Variants in SOX6 observed in about 807,000 individuals in gnomAD.
SOX6 encodes SRY-box transcription factor 6, also known as transcription factor SOX-6.
Under a neutral mutation model 97.8 loss-of-function variants are expected in SOX6, and 11 were observed. The observed-to-expected ratio is 0.11, with a 90% confidence interval of 0.07 to 0.19. The LOEUF (loss-of-function observed/expected upper bound fraction) is 0.19, where lower values mean the gene tolerates loss of function less well. Among genes scored for constraint, SOX6 ranks in the 10% least tolerant of loss-of-function variants. SOX6 has a pLI of 1.00. For missense variants in SOX6, 810 were observed against 1,039.5 expected (o/e 0.78, Z 3.04); for synonymous variants, 360 against 371.4 (o/e 0.97, Z 0.35).
At chr11:16,318,130 T>C (rs1855805828) in intron 3 of SOX6, 1 of 391,176 alleles carries the variant, frequency 2.6e-6, no homozygotes, top group Non-Finnish European at 4.8e-6. Flanking sequence ...GGAGAAAAAA[T>C]GAAAAATAAA....
At chr11:16,665,249 C>T (rs1847798358) in intron 3 of SOX6, among the ~76,000 whole-genome samples, 1 of 152,024 alleles carries the variant, frequency 6.6e-6, no homozygotes, top group African/African-American at 2.4e-5. Flanking sequence ...TTTAGGTCCC[C>T]AGTTCCCAGC....
intron 3 of SOX6, chr11:16,317,428 T>C (rs765821944): frequency 1.3e-5 from 2 of 151,996 alleles, no homozygotes; most frequent in Non-Finnish European, 2.9e-5. Context: ...TTGAAGAATT[T>C]ACCCAGGGTG....
At chr11:16,733,676 T>C (rs1412174604) in intron 2 of SOX6, among the ~76,000 whole-genome samples, 1 of 144,962 alleles carries the variant, frequency 6.9e-6, no homozygotes, top group Middle Eastern at 3.5e-3. Flanking sequence ...TATATACCTA[T>C]GTAACAAACC....
intron 4 of SOX6, among the ~76,000 whole-genome samples, chr11:16,495,569 A>C (rs1379492470): frequency 1.3e-5 from 2 of 152,138 alleles, no homozygotes; most frequent in African/African-American, 4.8e-5. Flanking sequence ...CCCATGTGCC[A>C]CCTGTGGTTC....
intron 4 of SOX6, among the ~76,000 whole-genome samples, chr11:16,213,460 A>G (rs1161353135): frequency 6.6e-6 from 1 of 152,138 alleles, no homozygotes; most frequent in African/African-American, 2.4e-5. Flanking sequence ...TGAAGAATGC[A>G]TACATAAAAA....
intron 3 of SOX6, among the ~76,000 whole-genome samples, chr11:16,303,176 A>G (rs1855318228): frequency 6.6e-6 from 1 of 152,184 alleles, no homozygotes; most frequent in South Asian, 2.1e-4. Context: ...ATGAAGAGGC[A>G]TTCTCTAAAA....
At chr11:16,361,558 T>C (rs1469863492) in intron 1 of SOX6, among the ~76,000 whole-genome samples, 2 of 152,188 alleles carry the variant, frequency 1.3e-5, no homozygotes, top group African/African-American at 2.4e-5. Flanking sequence ...TTATGAAGCA[T>C]CCATGCCAAC....
At chr11:16,728,793 G>C (rs959398881) in intron 2 of SOX6, among the ~76,000 whole-genome samples, 1 of 152,162 alleles carries the variant, frequency 6.6e-6, no homozygotes, top group Non-Finnish European at 1.5e-5. Flanking sequence ...CCGAGCTAAA[G>C]GAGGATGTTC....
intron 3 of SOX6, among the ~76,000 whole-genome samples, chr11:16,617,151 T>G (rs1198352574): frequency 1.3e-5 from 2 of 151,934 alleles, no homozygotes; most frequent in African/African-American, 4.8e-5. Context: ...TCATTGGGTT[T>G]TGTTGAATTT....
At chr11:16,687,913 T>C (rs1219381199) in intron 3 of SOX6, among the ~76,000 whole-genome samples, 1 of 152,140 alleles carries the variant, frequency 6.6e-6, no homozygotes, top group Non-Finnish European at 1.5e-5. Context: ...ATTTTTATCT[T>C]TGTTTCTCTA....
At chr11:16,207,644 T>C (rs781758586) in intron 4 of SOX6, among the ~76,000 whole-genome samples, 1 of 151,940 alleles carries the variant, frequency 6.6e-6, no homozygotes, top group Admixed American at 6.6e-5. Flanking sequence ...CAAATATTTA[T>C]TGAGGACATT....
chr11:16,059,900 A>G (rs902512316), intron 9 of SOX6, among the ~76,000 whole-genome samples: 1 of 152,000 alleles, frequency 6.6e-6, no homozygotes. Flanking sequence ...AAAAAGTTCT[A>G]TACTGAATGG....
chr11:16,020,639 T>C (rs774796238), intron 12 of SOX6, among the ~76,000 whole-genome samples: 3 of 152,212 alleles, frequency 2.0e-5, no homozygotes, highest in East Asian at 3.9e-4. Context: ...CCAAATCCTA[T>C]TCATATGGAA....
At chr11:16,687,106 C>G (rs1255952747) in intron 3 of SOX6, among the ~76,000 whole-genome samples, 2 of 152,194 alleles carry the variant, frequency 1.3e-5, no homozygotes, top group African/African-American at 4.8e-5. Context: ...GCCTGGACAA[C>G]AGAAGAAGAC....
chr11:16,209,527 G>C (rs1852163563), intron 4 of SOX6, among the ~76,000 whole-genome samples: 1 of 152,172 alleles, frequency 6.6e-6, no homozygotes, highest in Non-Finnish European at 1.5e-5. Flanking sequence ...AGGCCGAAGT[G>C]GGAGGATCAC....
chr11:16,320,804 T>C (rs1252036938), intron 2 of SOX6, among the ~76,000 whole-genome samples: 1 of 152,172 alleles, frequency 6.6e-6, no homozygotes, highest in Admixed American at 6.6e-5. Context: ...AATCTTTTCA[T>C]TGAGATAAAT....
At chr11:16,250,834 T>C (rs535864206) in intron 3 of SOX6, among the ~76,000 whole-genome samples, 1 of 152,180 alleles carries the variant, frequency 6.6e-6, no homozygotes, top group African/African-American at 2.4e-5. Context: ...AATTCACATA[T>C]ATCAAACATT....
intron 2 of SOX6, among the ~76,000 whole-genome samples, chr11:16,721,407 C>T (rs973522007): frequency 6.6e-6 from 1 of 152,050 alleles, no homozygotes; most frequent in Non-Finnish European, 1.5e-5. Context: ...GAAACTTGAG[C>T]GCTGATGGAT....
At chr11:16,406,368 TG>T (rs1248933321) in intron 1 of SOX6, among the ~76,000 whole-genome samples, 1 of 152,110 alleles carries the variant, frequency 6.6e-6, no homozygotes, top group Non-Finnish European at 1.5e-5. Flanking sequence ...ACAATAAGCA[TG>T]TATTTAGCTT....
Sources: gnomAD v4.1 joint callset for allele counts (sites outside exome capture counted in the v4.1 genomes callset) on GRCh38, gnomAD v4.1.1 for gene constraint, MANE v1.5 for transcripts, NCBI Gene and HGNC (gene_info 2026-07-23, HGNC 2026-07-21) for gene names.